HBB: variants seen among roughly 807,000 people sequenced by gnomAD.
HBB encodes hemoglobin subunit beta.
HBB carries 18 observed loss-of-function variants against 9.7 expected under a neutral mutation model. The observed-to-expected ratio is 1.86, with a 90% CI of 1.28 to 2.76. The LOEUF (loss-of-function observed/expected upper bound fraction) is 2.76, where lower values mean the gene tolerates loss of function less well. Ranked by LOEUF, HBB falls within the 30% of genes most tolerant of loss-of-function variation. The pLI is 0.00. For missense variants in HBB, 156 were observed against 177.0 expected (o/e 0.88, Z 0.67); for synonymous variants, 99 against 73.6 (o/e 1.35, Z -1.77).
rs1034207896 is a variant in HBB, at chr11:5,225,915, T to C, written c.316-189A>G. ...GCAGAAATATTTATATGCAGAGATA[T>C]TGCTATTGCCTTAACCCAGAAATTA... On this transcript the variant is annotated intron_variant, in intron 2 of 2. Coordinates refer to ENST00000335295, the MANE Select transcript of HBB (RefSeq NM_000518.5). 5.9e-5 allele frequency among the ~76,000 whole-genome samples: 9 copies of C among 152,194 alleles called. 1 individual carries two copies. Among genetic ancestry groups the C allele is most frequent in the African/African-American group, 2.2e-4 (9 of 41,450 alleles).
rs565840446 is a variant in HBB at position 5,226,382 on chromosome 11, A to T, written c.315+195T>A. On this transcript the variant is annotated intron_variant, in intron 2 of 2. Transcript: ENST00000335295. The stretch of plus-strand genomic sequence containing the variant: ...GGAGAAGAAAAAAAAAGAAAGCAAG[A>T]ATTAAACAAAAGAAAACAATTGTTA... The T allele has an allele frequency of 3.2e-6, 2 of 628,056 alleles. No individual in the cohort carries two copies. The highest frequency in any genetic ancestry group is 5.6e-6 in the Non-Finnish European group (2 of 360,250). 38.9% of individuals were successfully genotyped at this position (628,056 alleles called of 1,614,324 possible).
Position 5,226,799 on chromosome 11 carries a change from C to G in HBB, c.93G>C (p.Arg31Ser), listed in dbSNP as rs1135071. ...GGGTCCAAGGGTAGACCACCAGCAG[C>G]CTAAGGGTGGGAAAATAGACCAATA... is the stretch of plus-strand genomic sequence containing the variant. ...VDEVGGEALGRLLVVYPWTQR... is the reference protein window; with the variant it reads ...VDEVGGEALGSLLVVYPWTQR... Residue 31 changes from arginine (R) to serine (S), a missense_variant and splice_region_variant, in exon 2 of 3, where the codon AGG (arginine) becomes AGC (serine). Coordinates refer to ENST00000335295, the MANE Select transcript of HBB (RefSeq NM_000518.5). 2 of 1,613,860 alleles carry G rather than the reference C, an allele frequency of 1.2e-6. No individual in the cohort carries two copies. The highest frequency in any genetic ancestry group is 2.2e-5 in the South Asian group (2 of 91,078).
In HBB at chr11:5,226,514, A is replaced by G. The variant is rs1375672361; in HGVS notation, c.315+63T>C. 11 of 1,457,986 alleles carry G rather than the reference A, an allele frequency of 7.5e-6. No homozygotes were observed. Among genetic ancestry groups the G allele is most frequent in the South Asian group, 4.6e-5 (4 of 87,890 alleles). The allele number at this position is 1,457,986 out of a possible 1,614,324, so 90.3% of individuals were successfully genotyped here. ...GTACCCTGTTACTTATCCCCTTCCT[A>G]TGACATGAACTTAACCATAGAAAAG... On this transcript the variant is annotated intron_variant, in intron 2 of 2. Coordinates refer to ENST00000335295, the MANE Select transcript of HBB (RefSeq NM_000518.5).
Position 5,227,045 on chromosome 11 carries a change from G to T in HBB, c.-24C>A, listed in dbSNP as rs762692752. On this transcript the variant is annotated 5_prime_UTR_variant, in exon 1 of 3. Transcript: ENST00000335295. Reference sequence around the variant, plus strand: ...ATGGTGTCTGTTTGAGGTTGCTAGTGAACACAGTTGTGTCAGAAGCAAATG... The same window carrying T: ...ATGGTGTCTGTTTGAGGTTGCTAGTTAACACAGTTGTGTCAGAAGCAAATG... 2 of 1,460,720 alleles carry T rather than the reference G, an allele frequency of 1.4e-6. No individual in the cohort carries two copies. Among genetic ancestry groups the T allele is most frequent in the South Asian group, 1.1e-5 (1 of 88,574 alleles). 90.5% of individuals were successfully genotyped at this position (1,460,720 alleles called of 1,614,324 possible). A position where few individuals can be genotyped will look rare whatever the true frequency, so the allele number is the denominator to read the frequency against.
At position 5,226,468 on chromosome 11, in the gene HBB, G is replaced by A. The variant is rs543925348; in HGVS notation, c.315+109C>T. The stretch of plus-strand genomic sequence containing the variant: ...GACTTCCACACTGATGCAATCATTC[G>A]TCTGTTTCCCATTCTAAACTGTACC... On this transcript the variant is annotated intron_variant, in intron 2 of 2. Transcript: ENST00000335295. 440 of 969,684 alleles carry A rather than the reference G, an allele frequency of 4.5e-4. 2 individuals carry two copies. The South Asian group carries it at 4.8e-3, about 10-fold the overall frequency. 60.1% of individuals were successfully genotyped at this position (969,684 alleles called of 1,614,324 possible).
rs1589891699 is a variant in HBB at position 5,225,821 on chromosome 11, G to C, written c.316-95C>G. On this transcript the variant is annotated intron_variant, in intron 2 of 2. Transcript: ENST00000335295. The stretch of plus-strand genomic sequence containing the variant: ...GCCTTATCCCAACCATAAAATAAAA[G>C]CAGAATGGTAGCTGGATTGTAGCTG... The C allele has an allele frequency of 7.7e-7, 1 of 1,301,308 alleles. No individual in the cohort carries two copies. The allele number at this position is 1,301,308 out of a possible 1,614,324, so 80.6% of individuals were successfully genotyped here. A position where few individuals can be genotyped will look rare whatever the true frequency, so the allele number is the denominator to read the frequency against.
intron 2 of HBB, 62 bp downstream of exon 2, chr11:5,226,515 T>C: frequency 1.4e-6 from 2 of 1,465,064 alleles, no homozygotes; most frequent in Non-Finnish European, 1.9e-6. Context: ...CCCCTTCCTA[T>C]GACATGAACT....
rs1421375702 is a variant in HBB at position 5,225,803 on chromosome 11, C to G, written c.316-77G>C. On this transcript the variant is annotated intron_variant, in intron 2 of 2. Transcript: ENST00000335295. ...TGGACTCAGAATAATCCAGCCTTATCCCAACCATAAAATAAAAGCAGAATG... is the reference window on the plus strand; with the variant it reads ...TGGACTCAGAATAATCCAGCCTTATGCCAACCATAAAATAAAAGCAGAATG... 2.0e-6 allele frequency: 3 copies of G among 1,485,334 alleles called. No homozygotes were observed. The highest frequency in any genetic ancestry group is 2.8e-5 in the African/African-American group (2 of 72,340). The allele number at this position is 1,485,334 out of a possible 1,614,324, so 92.0% of individuals were successfully genotyped here.
intron 2 of HBB, chr11:5,226,353 T>C: frequency 1.7e-6 from 1 of 604,978 alleles, no homozygotes; most frequent in African/African-American, 1.9e-5. Flanking sequence ...ATAGTAAAAA[T>C]TGCGGAGAAG....
chr11:5,226,867 C>T (rs2133589019), intron 1 of HBB, 63 bp downstream of exon 1: 1 of 1,591,830 alleles, frequency 6.3e-7, no homozygotes, highest in Non-Finnish European at 8.6e-7. Flanking sequence ...AGAGTCTTCT[C>T]TGTCTCCACA....
At position 5,226,533 on chromosome 11, in the gene HBB, A is replaced by G; in HGVS notation, c.315+44T>C. The G allele has an allele frequency of 1.3e-6, 2 of 1,566,854 alleles. No homozygotes were observed. Among genetic ancestry groups the G allele is most frequent in the Non-Finnish European group, 1.8e-6 (2 of 1,136,960 alleles). ...CTTCCTATGACATGAACTTAACCAT[A>G]GAAAAGAAGGGGAAAGAAAACATCA... is the stretch of plus-strand genomic sequence containing the variant. On this transcript the variant is annotated intron_variant, in intron 2 of 2. Transcript: ENST00000335295.
rs34527846 is a variant in HBB, at chr11:5,226,802, A to C, written c.93-3T>G. 4 of 1,613,574 alleles carry C rather than the reference A, an allele frequency of 2.5e-6. No homozygotes were observed. The highest frequency in any genetic ancestry group is 2.2e-5 in the South Asian group (2 of 91,074). ...TCCAAGGGTAGACCACCAGCAGCCTAAGGGTGGGAAAATAGACCAATAGGC... is the reference window on the plus strand; with the variant it reads ...TCCAAGGGTAGACCACCAGCAGCCTCAGGGTGGGAAAATAGACCAATAGGC... On this transcript the variant is annotated splice_polypyrimidine_tract_variant and splice_region_variant and intron_variant, in intron 1 of 2. Coordinates refer to ENST00000335295, the MANE Select transcript of HBB (RefSeq NM_000518.5).
At position 5,226,929 on chromosome 11, in the gene HBB, C is replaced by T. The variant is rs33971440; in HGVS notation, c.92+1G>A. 75 of 1,612,880 alleles carry T rather than the reference C, an allele frequency of 4.7e-5. No homozygotes were observed. The highest frequency in any genetic ancestry group is 3.3e-4 in the Middle Eastern group (2 of 6,056). ...ACCTGTCTTGTAACCTTGATACCAA[C>T]CTGCCCAGGGCCTCACCACCAACTT... On this transcript the variant is annotated splice_donor_variant, in intron 1 of 2. Coordinates refer to ENST00000335295, the MANE Select transcript of HBB (RefSeq NM_000518.5). LOFTEE classifies it high-confidence loss of function.
rs34013622 is a variant in HBB at position 5,226,592 on chromosome 11, A to T, written c.300T>A (p.Asp100Glu). The change falls in exon 2 of 3, where the codon GAT becomes GAA. Residue 100 changes from aspartate to glutamate, a missense_variant. Physicochemically the swap from Asp to Glu is conservative, Grantham distance 45. Transcript: ENST00000335295. ...SELHCDKLHV[D>E]PENFRLLGNV... ...ATAGACTCACCCTGAAGTTCTCAGGATCCACGTGCAGCTTGTCACAGTGCA... is the reference window on the plus strand; with the variant it reads ...ATAGACTCACCCTGAAGTTCTCAGGTTCCACGTGCAGCTTGTCACAGTGCA... 1 of 1,614,068 alleles carries T rather than the reference A, an allele frequency of 6.2e-7. No homozygotes were observed. The highest frequency in any genetic ancestry group is 8.5e-7 in the Non-Finnish European group (1 of 1,179,996).
rs1157691054 is a variant in HBB at position 5,225,806 on chromosome 11, A to G, written c.316-80T>C. ...ACTCAGAATAATCCAGCCTTATCCC[A>G]ACCATAAAATAAAAGCAGAATGGTA... On this transcript the variant is annotated intron_variant, in intron 2 of 2. Coordinates refer to ENST00000335295, the MANE Select transcript of HBB (RefSeq NM_000518.5). The G allele has an allele frequency of 3.4e-5, 50 of 1,471,694 alleles. No homozygotes were observed. The highest frequency in any genetic ancestry group is 4.8e-5 in the Non-Finnish European group (50 of 1,051,574). The allele number at this position is 1,471,694 out of a possible 1,614,324, so 91.2% of individuals were successfully genotyped here. A position where few individuals can be genotyped will look rare whatever the true frequency, so the allele number is the denominator to read the frequency against.
Position 5,225,717 on chromosome 11 carries a change from T to G in HBB, c.325A>C (p.Asn109His), listed in dbSNP as rs33958637. Residue 109 changes from asparagine (N) to histidine (H), a missense_variant, in exon 3 of 3, where the codon AAC (asparagine) becomes CAC (histidine). Coordinates refer to ENST00000335295, the MANE Select transcript of HBB (RefSeq NM_000518.5). ...VDPENFRLLG[N>H]VLVCVLAHHF... ...TGGGCCAGCACACAGACCAGCACGTTGCCCAGGAGCTGTGGGAGGAAGATA... is the reference window on the plus strand; with the variant it reads ...TGGGCCAGCACACAGACCAGCACGTGGCCCAGGAGCTGTGGGAGGAAGATA... 1 of 1,614,152 alleles carries G rather than the reference T, an allele frequency of 6.2e-7. No individual in the cohort carries two copies. Among genetic ancestry groups the G allele is most frequent in the East Asian group, 2.2e-5 (1 of 44,882 alleles).
At chr11:5,226,301 A>T in intron 2 of HBB, 1 of 576,796 alleles carries the variant, frequency 1.7e-6, no homozygotes, top group Non-Finnish European at 3.1e-6. Flanking sequence ...TATCTCAGAG[A>T]TATTTCCTTT....
At chr11:5,226,472 G>A in intron 2 of HBB, 105 bp downstream of exon 2, 1 of 1,023,946 alleles carries the variant, frequency 9.8e-7, no homozygotes, top group Non-Finnish European at 1.5e-6. Flanking sequence ...TCATTCGTCT[G>A]TTTCCCATTC....
Position 5,226,375 on chromosome 11 carries a change from A to G in HBB, c.315+202T>C, listed in dbSNP as rs577036437. 2.4e-5 allele frequency: 15 copies of G among 620,364 alleles called. No individual in the cohort carries two copies. The East Asian group carries it at 2.7e-4, about 11-fold the overall frequency. 38.4% of individuals were successfully genotyped at this position (620,364 alleles called of 1,614,324 possible). ...AAATTGCGGAGAAGAAAAAAAAAGAAAGCAAGAATTAAACAAAAGAAAACA... is the reference window on the plus strand; with the variant it reads ...AAATTGCGGAGAAGAAAAAAAAAGAGAGCAAGAATTAAACAAAAGAAAACA... On this transcript the variant is annotated intron_variant, in intron 2 of 2. Coordinates refer to ENST00000335295, the MANE Select transcript of HBB (RefSeq NM_000518.5).
Sources: gnomAD v4.1 joint callset for allele counts (sites outside exome capture counted in the v4.1 genomes callset) on GRCh38, gnomAD v4.1.1 for gene constraint, MANE v1.5 for transcripts, NCBI Gene and HGNC (gene_info 2026-07-23, HGNC 2026-07-21) for gene names.